The following LRRC3B variants were observed in gnomAD, a reference collection of about 807,000 sequenced individuals.
The protein encoded by LRRC3B is leucine rich repeat containing 3B, also known as leucine-rich repeat-containing protein 3B.
Under a neutral mutation model 12.8 loss-of-function variants are expected in LRRC3B, and 2 were observed. That is an observed-to-expected ratio of 0.16 (90% CI 0.06 to 0.49). The LOEUF (loss-of-function observed/expected upper bound fraction) is 0.49. Among genes scored for constraint, LRRC3B ranks in the 20% least tolerant of loss-of-function variants. The pLI is 0.96. For missense variants in LRRC3B, 189 were observed against 319.4 expected (o/e 0.59, Z 3.11); for synonymous variants, 132 against 122.0 (o/e 1.08, Z -0.54).
At chr3:26,628,391 G>A (rs548440050) in intron 1 of LRRC3B, among the ~76,000 whole-genome samples, 5 of 141,744 alleles carry the variant, frequency 3.5e-5, no homozygotes, top group East Asian at 2.1e-4. Flanking sequence ...TAAATAATAA[G>A]GTTCTGTAGA....
Position 26,667,119 on chromosome 3 carries a change from G to GAAAAA in LRRC3B, c.-160-42382_-160-42378dup, listed in dbSNP as rs368094321. 3.2e-4 allele frequency among the ~76,000 whole-genome samples: 32 copies of GAAAAA among 101,526 alleles called. 2 individuals carry two copies. The highest frequency in any genetic ancestry group is 9.9e-4 in the Admixed American group (10 of 10,062). The allele number at this position is 101,526 out of a possible 152,430, so 66.6% of individuals were successfully genotyped here. On this transcript the variant is annotated intron_variant, in intron 1 of 1. Transcript: ENST00000396641. ...ATTATTAGTAAAGTCTCACTTTCAA[G>GAAAAA]AAAAAAAAAAAAAAAAGCCTCAGTT...
intron 1 of LRRC3B, among the ~76,000 whole-genome samples, chr3:26,635,360 C>T (rs1003845636): frequency 2.8e-4 from 42 of 152,284 alleles, no homozygotes; most frequent in African/African-American, 9.4e-4. Context: ...TATCAAAGTC[C>T]TAACCCCCAA....
intron 1 of LRRC3B, among the ~76,000 whole-genome samples, chr3:26,666,402 A>C (rs532131352): frequency 6.7e-6 from 1 of 150,028 alleles, no homozygotes; most frequent in East Asian, 2.0e-4. Context: ...TGATAATAGA[A>C]AATGTTAAAG....
intron 1 of LRRC3B, among the ~76,000 whole-genome samples, chr3:26,626,142 G>A (rs1698620197): frequency 6.6e-6 from 1 of 152,228 alleles, no homozygotes; most frequent in Admixed American, 6.5e-5. Flanking sequence ...GGAGACTGAT[G>A]TTACATATCG....
intron 1 of LRRC3B, among the ~76,000 whole-genome samples, chr3:26,636,768 T>C (rs900578388): frequency 2.6e-5 from 4 of 151,352 alleles, no homozygotes; most frequent in Admixed American, 2.6e-4. Flanking sequence ...AAAGCCCATA[T>C]AGCTTTCTTT....
intron 1 of LRRC3B, among the ~76,000 whole-genome samples, chr3:26,626,325 G>C (rs897420110): frequency 1.2e-4 from 19 of 152,180 alleles, no homozygotes; most frequent in African/African-American, 4.6e-4. Flanking sequence ...ACAGAGATTT[G>C]CTCTGTAGTC....
At chr3:26,634,122 G>A (rs921760302) in intron 1 of LRRC3B, among the ~76,000 whole-genome samples, 1 of 151,542 alleles carries the variant, frequency 6.6e-6, no homozygotes, top group African/African-American at 2.4e-5. Context: ...TTCTTATTTT[G>A]AATATGATTC....
intron 1 of LRRC3B, among the ~76,000 whole-genome samples, chr3:26,643,262 G>A (rs201944655): frequency 2.3e-5 from 3 of 129,930 alleles, no homozygotes; most frequent in East Asian, 2.6e-4. Context: ...GTGAGTGTGT[G>A]TGTGTGTGTG....
At chr3:26,708,188 G>A (rs760249785) in intron 1 of LRRC3B, among the ~76,000 whole-genome samples, 11 of 152,200 alleles carry the variant, frequency 7.2e-5, no homozygotes, top group Non-Finnish European at 1.2e-4. Context: ...ACTGCTGTAA[G>A]AGGACTGAAT....
At chr3:26,663,425 T>A (rs1189138794) in intron 1 of LRRC3B, among the ~76,000 whole-genome samples, 2 of 152,298 alleles carry the variant, frequency 1.3e-5, no homozygotes, top group African/African-American at 4.8e-5. Flanking sequence ...TGTTAATTAC[T>A]AAAGAAATAC....
chr3:26,683,352 G>A (rs886985372), intron 1 of LRRC3B, among the ~76,000 whole-genome samples: 1 of 152,214 alleles, frequency 6.6e-6, no homozygotes, highest in Admixed American at 6.5e-5. Flanking sequence ...AGCAGCAGCT[G>A]AAATATCCAA....
intron 1 of LRRC3B, among the ~76,000 whole-genome samples, chr3:26,674,014 A>G (rs1008413435): frequency 6.6e-6 from 1 of 152,254 alleles, no homozygotes; most frequent in African/African-American, 2.4e-5. Flanking sequence ...AGGCTTGTCA[A>G]TGATGAGCTT....
At chr3:26,678,387 G>C (rs757830765) in intron 1 of LRRC3B, among the ~76,000 whole-genome samples, 1 of 152,048 alleles carries the variant, frequency 6.6e-6, no homozygotes, top group South Asian at 2.1e-4. Context: ...CCAGCTACTC[G>C]GGAGGCTGAG....
intron 1 of LRRC3B, among the ~76,000 whole-genome samples, chr3:26,682,531 C>T (rs1575157718): frequency 6.6e-6 from 1 of 152,190 alleles, no homozygotes; most frequent in East Asian, 1.9e-4. Flanking sequence ...TTCCTTTTGC[C>T]TTTGTTCCTG....
chr3:26,646,788 C>T (rs1699160315), intron 1 of LRRC3B, among the ~76,000 whole-genome samples: 2 of 151,964 alleles, frequency 1.3e-5, no homozygotes, highest in South Asian at 4.2e-4. Context: ...AAGCTAGCCT[C>T]CAGATGGTAG....
intron 1 of LRRC3B, among the ~76,000 whole-genome samples, chr3:26,691,247 C>T (rs536058492): frequency 1.1e-4 from 16 of 151,154 alleles, no homozygotes; most frequent in Non-Finnish European, 3.0e-5. Context: ...AATGAAGAAT[C>T]TAAATCTGAA....
chr3:26,710,671 G>A, exon 2 of LRRC3B: 1 of 441,888 alleles, frequency 2.3e-6, no homozygotes, highest in Non-Finnish European at 4.1e-6. Context: ...ATATTTCTGA[G>A]TAAGCTACTA....
chr3:26,666,711 C>A (rs968001201), intron 1 of LRRC3B, among the ~76,000 whole-genome samples: 1 of 152,158 alleles, frequency 6.6e-6, no homozygotes, highest in Non-Finnish European at 1.5e-5. Context: ...CACTATCAAT[C>A]AAACTCCAAA....
At chr3:26,636,944 T>C (rs899408642) in intron 1 of LRRC3B, among the ~76,000 whole-genome samples, 3 of 114,268 alleles carry the variant, frequency 2.6e-5, no homozygotes, top group African/African-American at 8.5e-5. Flanking sequence ...CTTTCTTTCT[T>C]TCTTTCTTTC....
Sources: gnomAD v4.1 joint callset for allele counts (sites outside exome capture counted in the v4.1 genomes callset) on GRCh38, gnomAD v4.1.1 for gene constraint, MANE v1.5 for transcripts, NCBI Gene and HGNC (gene_info 2026-07-23, HGNC 2026-07-21) for gene names.